Variants in FHAD1 observed in about 807,000 individuals in gnomAD.
The protein encoded by FHAD1 is forkhead associated phosphopeptide binding domain 1, also known as forkhead-associated domain-containing protein 1.
A neutral mutation model predicts 191.3 loss-of-function variants in FHAD1; 146 were observed. That is an observed-to-expected ratio of 0.76 (90% confidence interval 0.67 to 0.88). The LOEUF is 0.88. FHAD1 is among the 40% of genes least tolerant of loss of function. The pLI is 0.00. For synonymous variants in FHAD1, 616 were observed against 672.3 expected, an observed-to-expected ratio of 0.92 and a Z score of 1.29; for missense variants, 1,635 against 1,785.8, an observed-to-expected ratio of 0.92 and a Z score of 1.52.
At chr1:15,258,031 G>A (rs1038689520) in intron 2 of FHAD1, among the ~76,000 whole-genome samples, 2 of 152,032 alleles carry the variant, frequency 1.3e-5, no homozygotes, top group African/African-American at 2.4e-5. Flanking sequence ...TAGTACAGAC[G>A]GGGTTTCGCC....
chr1:15,348,813 G>A (rs926207291), intron 18 of FHAD1, among the ~76,000 whole-genome samples: 2 of 152,030 alleles, frequency 1.3e-5, no homozygotes, highest in Non-Finnish European at 2.9e-5. Context: ...GGCCCTCTCC[G>A]ACTTCCTGCT....
intron 3 of FHAD1, among the ~76,000 whole-genome samples, chr1:15,282,498 C>T (rs892165828): frequency 3.3e-5 from 5 of 152,158 alleles, no homozygotes; most frequent in African/African-American, 1.2e-4. Context: ...ATGTTTCCAA[C>T]CGGAATACTG....
At chr1:15,392,901 C>T (rs1004244083) in intron 33 of FHAD1, among the ~76,000 whole-genome samples, 2 of 152,042 alleles carry the variant, frequency 1.3e-5, no homozygotes, top group Admixed American at 1.3e-4. Flanking sequence ...GGCCACCTAC[C>T]GTGCTAAGCA....
intron 31 of FHAD1, among the ~76,000 whole-genome samples, chr1:15,386,018 G>A (rs1369891647): frequency 6.6e-6 from 1 of 152,200 alleles, no homozygotes; most frequent in East Asian, 1.9e-4. Flanking sequence ...AGGCAGCAGA[G>A]TTTCTCCGAG....
chr1:15,353,050 A>T, intron 20 of FHAD1, 66 bp downstream of exon 20: 1 of 1,227,800 alleles, frequency 8.1e-7, no homozygotes, highest in Non-Finnish European at 1.2e-6. Flanking sequence ...CTCTAGAGCC[A>T]GGCTCTGGGT....
chr1:15,282,117 T>C (rs1385969700), intron 3 of FHAD1, among the ~76,000 whole-genome samples: 1 of 152,180 alleles, frequency 6.6e-6, no homozygotes, highest in Non-Finnish European at 1.5e-5. Flanking sequence ...CCCAGGCTCA[T>C]AGTGTATTCT....
intron 33 of FHAD1, among the ~76,000 whole-genome samples, chr1:15,396,232 G>A (rs1451451797): frequency 1.3e-5 from 2 of 151,778 alleles, no homozygotes; most frequent in African/African-American, 4.9e-5. Context: ...GAGGTTGGAG[G>A]ATCACCTGAG....
At chr1:15,250,852 G>C (rs1040310380) in intron 1 of FHAD1, among the ~76,000 whole-genome samples, 1 of 152,078 alleles carries the variant, frequency 6.6e-6, no homozygotes, top group South Asian at 2.1e-4. Flanking sequence ...ATGAATGAAT[G>C]AATAAAATAA....
intron 3 of FHAD1, among the ~76,000 whole-genome samples, chr1:15,275,692 G>A (rs2101445899): frequency 6.6e-6 from 1 of 152,284 alleles, no homozygotes; most frequent in South Asian, 2.1e-4. Context: ...AAAAAAGGAG[G>A]TAGTGAAGAG....
intron 4 of FHAD1, among the ~76,000 whole-genome samples, chr1:15,291,391 A>C (rs78531607): frequency 1.3e-5 from 2 of 152,090 alleles, no homozygotes; most frequent in African/African-American, 4.8e-5. Flanking sequence ...CCATTTTGCT[A>C]TACTCTTATT....
At chr1:15,395,995 C>T (rs940184184) in intron 33 of FHAD1, among the ~76,000 whole-genome samples, 3 of 152,098 alleles carry the variant, frequency 2.0e-5, no homozygotes, top group Non-Finnish European at 4.4e-5. Flanking sequence ...ACTGTAAGAA[C>T]CTCCTGGTTT....
At chr1:15,344,625 A>G (rs1688127472) in intron 16 of FHAD1, among the ~76,000 whole-genome samples, 4 of 152,236 alleles carry the variant, frequency 2.6e-5, no homozygotes, top group African/African-American at 9.6e-5. Flanking sequence ...TCTGGTTTAG[A>G]ACACAGGCTT....
intron 2 of FHAD1, among the ~76,000 whole-genome samples, chr1:15,265,988 A>AAAAAG (rs1553230995): frequency 4.1e-5 from 6 of 147,838 alleles, no homozygotes; most frequent in African/African-American, 9.8e-5. Context: ...AAAAAAAAAA[A>AAAAAG]AGAGAGAGAG....
intron 10 of FHAD1, among the ~76,000 whole-genome samples, chr1:15,322,425 C>T (rs567083857): frequency 6.6e-6 from 1 of 152,172 alleles, no homozygotes; most frequent in Non-Finnish European, 1.5e-5. Flanking sequence ...TGCCTGTTTA[C>T]AGTTGAGGGA....
intron 14 of FHAD1, among the ~76,000 whole-genome samples, chr1:15,330,616 C>G (rs1318129419): frequency 6.6e-6 from 1 of 152,152 alleles, no homozygotes; most frequent in African/African-American, 2.4e-5. Context: ...AGGGTTCGAT[C>G]TGGTCAGGGA....
chr1:15,380,823 T>C (rs1477250989), intron 29 of FHAD1, 27 bp downstream of exon 29: 18 of 1,541,352 alleles, frequency 1.2e-5, no homozygotes, highest in Non-Finnish European at 1.5e-5. Flanking sequence ...TCCACCCTGC[T>C]CCTATCCAAA....
At chr1:15,368,413 A>G (rs536673220) in intron 25 of FHAD1, among the ~76,000 whole-genome samples, 9 of 152,334 alleles carry the variant, frequency 5.9e-5, no homozygotes, top group Non-Finnish European at 8.8e-5. Flanking sequence ...TCAGCTTAAA[A>G]TACATACAAA....
chr1:15,260,392 T>G (rs1424575330), intron 2 of FHAD1, among the ~76,000 whole-genome samples: 1 of 152,252 alleles, frequency 6.6e-6, no homozygotes, highest in East Asian at 1.9e-4. Context: ...CGTTTTCTAT[T>G]TATAACAATG....
In FHAD1 at chr1:15,296,765, T is replaced by G. The variant is rs1667125783; in HGVS notation, c.650T>G (p.Val217Gly). The stretch of plus-strand genomic sequence containing the variant: ...GCAGTTCCCCCTGCGGAGATTTATG[T>G]GGAGGAGGACTTGGCCCAGCAGGAC... ...PGAVPPAEIY[V>G]EEDLAQQDKD... Residue 217 changes from valine (V) to glycine (G), a missense_variant, in exon 5 of 34, where the codon GTG (valine) becomes GGG (glycine). By Grantham distance (109) the Val-to-Gly change is moderately radical. Coordinates refer to ENST00000688493, the MANE Select transcript of FHAD1 (RefSeq NM_001391957.1). The G allele has an allele frequency of 6.4e-7, 1 of 1,551,536 alleles. No individual in the cohort carries two copies. The highest frequency in any genetic ancestry group is 2.4e-5 in the East Asian group (1 of 40,916).
Sources: gnomAD v4.1 joint callset for allele counts (sites outside exome capture counted in the v4.1 genomes callset) on GRCh38, gnomAD v4.1.1 for gene constraint, MANE v1.5 for transcripts, NCBI Gene and HGNC (gene_info 2026-07-23, HGNC 2026-07-21) for gene names.